The following ROBO2 variants were observed in gnomAD, a reference collection of about 807,000 sequenced individuals.
The protein encoded by ROBO2 is roundabout guidance receptor 2.
A neutral mutation model predicts 160.8 loss-of-function variants in ROBO2; 53 were observed. That is an observed-to-expected ratio of 0.33 (90% confidence interval 0.26 to 0.41). The LOEUF is 0.41. ROBO2 is among the 10% of genes least tolerant of loss of function. The pLI, the probability that ROBO2 is intolerant of heterozygous loss-of-function variation, is 1.00. For missense variants in ROBO2, 1,577 were observed against 1,722.4 expected (o/e 0.92, Z 1.49); for synonymous variants, 664 against 611.7 (o/e 1.09, Z -1.26).
At chr3:77,431,127 A>C (rs1291580148) in intron 2 of ROBO2, among the ~76,000 whole-genome samples, 1 of 152,268 alleles carries the variant, frequency 6.6e-6, no homozygotes. Flanking sequence ...CTCACAAAGT[A>C]ACTGAGCATT....
chr3:76,334,379 C>A (rs1371733352), intron 2 of ROBO2, among the ~76,000 whole-genome samples: 1 of 151,972 alleles, frequency 6.6e-6, no homozygotes, highest in East Asian at 1.9e-4. Context: ...ATTTGTTGAA[C>A]AAATTAATGA....
At chr3:76,007,103 T>C (rs187503746) in intron 2 of ROBO2, among the ~76,000 whole-genome samples, 25 of 152,122 alleles carry the variant, frequency 1.6e-4, no homozygotes, top group Non-Finnish European at 3.2e-4. Context: ...AAATGATGAG[T>C]TCAGTATAAC....
At chr3:77,429,727 A>G (rs950892011) in intron 2 of ROBO2, among the ~76,000 whole-genome samples, 6 of 151,612 alleles carry the variant, frequency 4.0e-5, no homozygotes, top group African/African-American at 1.5e-4. Flanking sequence ...CTTCCCTGTG[A>G]TCACAATCTG....
chr3:76,148,585 C>G (rs1012479307), intron 2 of ROBO2, among the ~76,000 whole-genome samples: 1 of 152,030 alleles, frequency 6.6e-6, no homozygotes. Flanking sequence ...TCCCACCAAC[C>G]TTCTGGAGCC....
At chr3:77,320,298 T>G (rs566052116) in intron 2 of ROBO2, among the ~76,000 whole-genome samples, 1 of 152,254 alleles carries the variant, frequency 6.6e-6, no homozygotes, top group East Asian at 1.9e-4. Flanking sequence ...GTTTTAATAT[T>G]TCAGTGTGAT....
At chr3:76,301,616 T>C (rs1709360948) in intron 2 of ROBO2, among the ~76,000 whole-genome samples, 1 of 152,106 alleles carries the variant, frequency 6.6e-6, no homozygotes, top group African/African-American at 2.4e-5. Flanking sequence ...TGTGGTGTTA[T>C]GAGGTGAAAG....
At chr3:77,165,838 C>T (rs963959259) in intron 2 of ROBO2, among the ~76,000 whole-genome samples, 3 of 152,108 alleles carry the variant, frequency 2.0e-5, no homozygotes, top group Admixed American at 2.0e-4. Context: ...CTTCTGACTC[C>T]ATAGAGCTGT....
At chr3:76,341,035 C>T (rs1410159419) in intron 2 of ROBO2, among the ~76,000 whole-genome samples, 1 of 152,064 alleles carries the variant, frequency 6.6e-6, no homozygotes, top group Non-Finnish European at 1.5e-5. Context: ...TGTTCTTCAG[C>T]TGGTACAGCT....
At chr3:77,256,934 C>CT (rs898178305) in intron 2 of ROBO2, among the ~76,000 whole-genome samples, 6 of 152,028 alleles carry the variant, frequency 3.9e-5, no homozygotes, top group South Asian at 2.1e-4. Flanking sequence ...TTAGCTCTCA[C>CT]TTTTTTTTGC....
At position 77,388,158 on chromosome 3, in the gene ROBO2, A is replaced by G. The variant is rs558295728; in HGVS notation, c.389-89256A>G. Among the ~76,000 whole-genome samples the G allele has an allele frequency of 1.1e-4, 17 of 152,120 alleles. No homozygotes were observed. In the South Asian group the frequency reaches 2.7e-3, roughly 24 times the overall value. On this transcript the variant is annotated intron_variant, in intron 2 of 25. Coordinates refer to ENST00000461745, the Ensembl canonical transcript of ROBO2. Reference sequence around the variant, plus strand: ...TTCACACATACACACACACACACACACACACACACACACAAGCAGTTTTTT... The same window carrying G: ...TTCACACATACACACACACACACACGCACACACACACACAAGCAGTTTTTT...
At chr3:77,460,479 G>GGTTC (rs2153570821) in intron 2 of ROBO2, among the ~76,000 whole-genome samples, 1 of 152,170 alleles carries the variant, frequency 6.6e-6, no homozygotes, top group Non-Finnish European at 1.5e-5. Flanking sequence ...AACCAGCAGG[G>GGTTC]GTTCACTCAG....
At chr3:77,607,942 A>G in exon 21 of ROBO2, 1 of 1,613,906 alleles carries the variant, frequency 6.2e-7, no homozygotes, top group Non-Finnish European at 8.5e-7. Flanking sequence ...GCAGTGGAAC[A>G]ACAAGAAAAT....
At chr3:76,789,280 C>T (rs2063192596) in intron 2 of ROBO2, among the ~76,000 whole-genome samples, 1 of 151,442 alleles carries the variant, frequency 6.6e-6, no homozygotes, top group Non-Finnish European at 1.5e-5. Context: ...TTAAAAAGAA[C>T]ATAGCAATGG....
At chr3:76,551,995 C>T (rs181658854) in intron 2 of ROBO2, among the ~76,000 whole-genome samples, 142 of 152,210 alleles carry the variant, frequency 9.3e-4, no homozygotes, top group African/African-American at 3.4e-3. Flanking sequence ...ATGAGCCCAG[C>T]AGGTGCGAGC....
intron 1 of ROBO2, among the ~76,000 whole-genome samples, chr3:75,917,931 T>G (rs1329606720): frequency 6.6e-6 from 1 of 152,196 alleles, no homozygotes; most frequent in Non-Finnish European, 1.5e-5. Context: ...TTCTGGATAT[T>G]AGACCTTTGT....
intron 2 of ROBO2, among the ~76,000 whole-genome samples, chr3:77,033,812 A>G (rs896169858): frequency 6.6e-6 from 1 of 152,128 alleles, no homozygotes; most frequent in Admixed American, 6.6e-5. Context: ...TCAAAAATTA[A>G]TTTGTATGGC....
chr3:77,646,774 G>A (rs780475522), exon 26 of ROBO2: 4 of 152,306 alleles, frequency 2.6e-5, no homozygotes, highest in African/African-American at 7.2e-5. Flanking sequence ...AGTAGTTTAA[G>A]TCTTAAGACT....
intron 2 of ROBO2, among the ~76,000 whole-genome samples, chr3:76,124,977 T>A (rs2070913091): frequency 6.6e-6 from 1 of 152,144 alleles, no homozygotes; most frequent in Non-Finnish European, 1.5e-5. Context: ...TGATGGGTAC[T>A]TTTTCAACCC....
At chr3:77,249,527 C>T (rs151284155) in intron 2 of ROBO2, among the ~76,000 whole-genome samples, 490 of 152,220 alleles carry the variant, frequency 3.2e-3, no homozygotes, top group African/African-American at 0.011. Context: ...TAGCAGCCAG[C>T]CCTATCTTCA....
Sources: gnomAD v4.1 joint callset for allele counts (sites outside exome capture counted in the v4.1 genomes callset) on GRCh38, gnomAD v4.1.1 for gene constraint, MANE v1.5 for transcripts, NCBI Gene and HGNC (gene_info 2026-07-23, HGNC 2026-07-21) for gene names.